LRP1B: variants seen among roughly 807,000 people sequenced by gnomAD.
The protein encoded by LRP1B is low-density lipoprotein receptor-related protein 1B.
A neutral mutation model predicts 556.6 loss-of-function variants in LRP1B; 217 were observed. The observed-to-expected ratio is 0.39, with a 90% CI of 0.35 to 0.44. The LOEUF (loss-of-function observed/expected upper bound fraction) is 0.44. LRP1B is among the 20% of genes least tolerant of loss of function. The probability of loss-of-function intolerance (pLI) is 1.00; values close to 1 mark genes in which losing one functional copy is unlikely to be tolerated. For missense variants in LRP1B, 5,053 were observed against 5,620.8 expected, an observed-to-expected ratio of 0.90 and a Z score of 3.23; for synonymous variants, 2,047 against 1,865.8, an observed-to-expected ratio of 1.10 and a Z score of -2.50.
intron 6 of LRP1B, among the ~76,000 whole-genome samples, chr2:141,192,265 A>T (rs1293833611): frequency 1.3e-5 from 2 of 152,094 alleles, no homozygotes; most frequent in African/African-American, 4.8e-5. Flanking sequence ...CAAATTTAAT[A>T]AGCATTTAAA....
At chr2:141,604,443 G>A (rs1236808828) in intron 2 of LRP1B, among the ~76,000 whole-genome samples, 1 of 151,930 alleles carries the variant, frequency 6.6e-6, no homozygotes, top group African/African-American at 2.4e-5. Flanking sequence ...AGGCAGAGAG[G>A]GGTGGGTCTC....
intron 3 of LRP1B, among the ~76,000 whole-genome samples, chr2:141,316,019 G>A (rs1687022751): frequency 1.3e-5 from 2 of 148,576 alleles, no homozygotes; most frequent in Non-Finnish European, 3.0e-5. Context: ...AGGGCTCAAT[G>A]TAACAAATTC....
intron 41 of LRP1B, among the ~76,000 whole-genome samples, chr2:140,659,098 GT>G (rs59651364): frequency 0.017 from 1,022 of 61,006 alleles, 3 homozygotes; most frequent in East Asian, 0.12. Flanking sequence ...CTGTAAATCT[GT>G]TTTTTTTTTT....
intron 41 of LRP1B, among the ~76,000 whole-genome samples, chr2:140,688,996 A>G (rs953937753): frequency 2.0e-5 from 3 of 152,224 alleles, no homozygotes; most frequent in Non-Finnish European, 4.4e-5. Flanking sequence ...GAATTCTGGA[A>G]TGGTTTGTTT....
At chr2:140,371,370 A>G (rs757405032) in intron 69 of LRP1B, 85 bp from the exon 70 acceptor site, 1 of 576,596 alleles carries the variant, frequency 1.7e-6, no homozygotes, top group Non-Finnish European at 2.9e-6. Flanking sequence ...AAATATATGA[A>G]TTTATAGATG....
At position 140,296,155 on chromosome 2, in the gene LRP1B, T is replaced by C. The variant is rs577080156; in HGVS notation, c.12967+1653A>G. 3.9e-5 allele frequency among the ~76,000 whole-genome samples: 6 copies of C among 152,266 alleles called. No homozygotes were observed. The South Asian group carries it at 1.2e-3, about 32-fold the overall frequency. On this transcript the variant is annotated intron_variant, in intron 84 of 90. Transcript: ENST00000389484. ...TATCCAACAGTTTTGAGTGCCAACA[T>C]GATGCCACGAGTGGAAAATTTCACA...
chr2:140,301,885 GTA>G (rs1018173495), intron 83 of LRP1B, among the ~76,000 whole-genome samples: 1 of 151,500 alleles, frequency 6.6e-6, no homozygotes, highest in African/African-American at 2.4e-5. Flanking sequence ...GCATGTATGT[GTA>G]TGTGTGTGTA....
chr2:141,661,412 C>A (rs1690216162), intron 2 of LRP1B, among the ~76,000 whole-genome samples: 2 of 152,076 alleles, frequency 1.3e-5, no homozygotes, highest in South Asian at 2.1e-4. Context: ...TAACCCAATG[C>A]AAAGAAGGTA....
At chr2:141,345,680 C>CT (rs1688228738) in intron 3 of LRP1B, among the ~76,000 whole-genome samples, 1 of 87,604 alleles carries the variant, frequency 1.1e-5, no homozygotes, top group Non-Finnish European at 2.4e-5. Context: ...TTTTTTTTTA[C>CT]TTTTTATAAA....
intron 6 of LRP1B, among the ~76,000 whole-genome samples, chr2:141,190,028 A>G (rs1169356450): frequency 2.0e-5 from 3 of 151,992 alleles, no homozygotes; most frequent in African/African-American, 4.8e-5. Context: ...AGATTAAGTC[A>G]GAAGAAAAGA....
intron 1 of LRP1B, among the ~76,000 whole-genome samples, chr2:141,888,259 TTA>T (rs1281260794): frequency 6.6e-6 from 1 of 152,212 alleles, no homozygotes; most frequent in Non-Finnish European, 1.5e-5. Flanking sequence ...TATTTCCCAG[TTA>T]TACATTGAAC....
At position 141,493,958 on chromosome 2, in the gene LRP1B, C is replaced by A. The variant is rs535880797; in HGVS notation, c.206-13425G>T. 5.3e-5 allele frequency among the ~76,000 whole-genome samples: 8 copies of A among 152,282 alleles called. 1 individual carries two copies. The Middle Eastern group carries it at 0.014, about 259-fold the overall frequency. ...TTGCTAAGGTAAAGCCCAATTCTTA[C>A]AATAATCAGCTAACTGACCCTTACC... On this transcript the variant is annotated intron_variant, in intron 2 of 90. Transcript: ENST00000389484.
intron 7 of LRP1B, among the ~76,000 whole-genome samples, chr2:141,164,813 G>A (rs1468109792): frequency 6.6e-6 from 1 of 151,986 alleles, no homozygotes; most frequent in Non-Finnish European, 1.5e-5. Context: ...AAGGGGTAAG[G>A]CAATCAGAAA....
At chr2:140,915,872 C>T (rs554461601) in intron 21 of LRP1B, among the ~76,000 whole-genome samples, 4 of 151,390 alleles carry the variant, frequency 2.6e-5, no homozygotes, top group African/African-American at 9.7e-5. Flanking sequence ...ACTGAAAATA[C>T]AAAAAATTAG....
intron 1 of LRP1B, among the ~76,000 whole-genome samples, chr2:141,822,840 C>T (rs992996509): frequency 3.3e-5 from 5 of 152,022 alleles, no homozygotes; most frequent in Non-Finnish European, 5.9e-5. Flanking sequence ...CTACAAGCTG[C>T]GGATGGTTTA....
chr2:142,127,845 A>C (rs984824713), intron 1 of LRP1B, among the ~76,000 whole-genome samples: 2 of 152,036 alleles, frequency 1.3e-5, no homozygotes, highest in Non-Finnish European at 2.9e-5. Flanking sequence ...TAGGCCTCTC[A>C]ATCCCTTTTC....
intron 1 of LRP1B, among the ~76,000 whole-genome samples, chr2:141,915,474 C>T (rs1045761058): frequency 6.6e-6 from 1 of 151,982 alleles, no homozygotes; most frequent in African/African-American, 2.4e-5. Context: ...AAATGTAAGA[C>T]CTCAAAGTAG....
At chr2:141,000,641 C>T (rs1480725845) in intron 15 of LRP1B, among the ~76,000 whole-genome samples, 1 of 152,010 alleles carries the variant, frequency 6.6e-6, no homozygotes, top group Non-Finnish European at 1.5e-5. Context: ...GCTTTAAACT[C>T]GCAGAGGACT....
intron 1 of LRP1B, among the ~76,000 whole-genome samples, chr2:142,017,121 T>G (rs1703173621): frequency 6.6e-6 from 1 of 151,794 alleles, no homozygotes; most frequent in Admixed American, 6.6e-5. Flanking sequence ...ATACTGATAC[T>G]TGATAGATAT....
Sources: allele counts gnomAD v4.1 joint callset (sites outside exome capture counted in the v4.1 genomes callset), GRCh38; gene constraint gnomAD v4.1.1; transcripts MANE v1.5; gene names NCBI Gene and HGNC (gene_info 2026-07-23, HGNC 2026-07-21).